The following AHRR variants were observed in gnomAD, a reference collection of about 807,000 sequenced individuals.
AHRR encodes the protein aryl hydrocarbon receptor repressor.
A neutral mutation model predicts 44.0 loss-of-function variants in AHRR; 28 were observed. The ratio of observed to expected loss-of-function variants is 0.64; its 90% confidence interval spans 0.47 to 0.87. The LOEUF is 0.87. Among genes scored for constraint, AHRR ranks in the 40% least tolerant of loss-of-function variants. The pLI is 0.00. For missense variants in AHRR, 990 were observed against 953.9 expected (o/e 1.04, Z -0.50); for synonymous variants, 434 against 407.0 (o/e 1.07, Z -0.80).
intron 8 of AHRR, chr5:432,238 T>C: frequency 1.9e-6 from 1 of 518,794 alleles, no homozygotes; most frequent in South Asian, 2.4e-5. Context: ...AGCCCTTCAT[T>C]GGCCTGAAAA....
chr5:421,244 T>G, intron 5 of AHRR: 1 of 694,848 alleles, frequency 1.4e-6, no homozygotes, highest in Admixed American at 2.0e-5. Flanking sequence ...ACCCCGCGGT[T>G]CAGCCACGGA....
intron 1 of AHRR, among the ~76,000 whole-genome samples, chr5:327,384 C>G (rs1741749233): frequency 6.6e-6 from 1 of 152,182 alleles, no homozygotes; most frequent in Non-Finnish European, 1.5e-5. Context: ...CTTGTCACCC[C>G]CTCACCCTTC....
chr5:329,765 C>T (rs1405421956), intron 1 of AHRR, among the ~76,000 whole-genome samples: 1 of 152,144 alleles, frequency 6.6e-6, no homozygotes, highest in Non-Finnish European at 1.5e-5. Context: ...TCTTTCTCAG[C>T]TAGATCATTA....
chr5:325,516 C>A (rs1025641547), intron 1 of AHRR, among the ~76,000 whole-genome samples: 2 of 152,106 alleles, frequency 1.3e-5, no homozygotes, highest in Non-Finnish European at 2.9e-5. Context: ...AAGTGCCCAA[C>A]CTGGTTTCTG....
At chr5:414,200 T>C (rs1403898505) in intron 5 of AHRR, among the ~76,000 whole-genome samples, 1 of 151,866 alleles carries the variant, frequency 6.6e-6, no homozygotes, top group Non-Finnish European at 1.5e-5. Context: ...GAGGTGTAGG[T>C]TGCAGTGAGG....
At chr5:343,157 G>A (rs907349317) in intron 1 of AHRR, among the ~76,000 whole-genome samples, 2 of 152,146 alleles carry the variant, frequency 1.3e-5, no homozygotes, top group African/African-American at 2.4e-5. Flanking sequence ...ATGGGATCAT[G>A]TGGCCCCGTG....
intron 1 of AHRR, among the ~76,000 whole-genome samples, chr5:340,688 ATTTTTTTTTTTT>A (rs539789608): frequency 0.017 from 226 of 12,940 alleles, 23 homozygotes; most frequent in Non-Finnish European, 0.023. Context: ...ATATATATAT[ATTTTTTTTTTTT>A]TTTTTTTTTT....
At chr5:427,648 A>C (rs772079143) in intron 7 of AHRR, 159 bp from the exon 8 acceptor site, 1 of 1,613,142 alleles carries the variant, frequency 6.2e-7, no homozygotes, top group South Asian at 1.1e-5. Context: ...CCCGGGGGTC[A>C]CAGGCTTGGC....
In AHRR at chr5:404,128, T is replaced by C. The variant is rs986963138; in HGVS notation, c.352-9216T>C. 3 of 547,522 alleles carry C rather than the reference T, an allele frequency of 5.5e-6. No homozygotes were observed. The highest frequency in any genetic ancestry group is 1.0e-5 in the Non-Finnish European group (3 of 286,930). 33.9% of individuals were successfully genotyped at this position (547,522 alleles called of 1,614,324 possible). On this transcript the variant is annotated intron_variant, in intron 4 of 10. Transcript: ENST00000684583. The surrounding 1 kb of genome is among the most constrained non-coding windows in gnomAD (Gnocchi z 4.1). ...TGGTCCAGGTTTGGGGTTACCCTTC[T>C]CCGTCTCTCTCAGCCTCAGCCGTTC...
chr5:404,052 C>A lies in AHRR; in HGVS notation c.352-9292C>A. ...GCTGAATCTGTTTAGTCTTTGCATCCAAATCATGTTGTCCAGCGTTTGAAG... is the reference window on the plus strand; with the variant it reads ...GCTGAATCTGTTTAGTCTTTGCATCAAAATCATGTTGTCCAGCGTTTGAAG... On this transcript the variant is annotated intron_variant, in intron 4 of 10. Transcript: ENST00000684583. This position sits in a 1 kb window ranked among gnomAD's most constrained non-coding sequence, Gnocchi z 4.1. The A allele has an allele frequency of 2.8e-6, 2 of 713,920 alleles. No homozygotes were observed. Among genetic ancestry groups the A allele is most frequent in the South Asian group, 2.9e-5 (2 of 69,270 alleles). 44.2% of individuals were successfully genotyped at this position (713,920 alleles called of 1,614,324 possible). A position where few individuals can be genotyped will look rare whatever the true frequency, so the allele number is the denominator to read the frequency against.
chr5:329,645 G>T (rs938493016), intron 1 of AHRR, among the ~76,000 whole-genome samples: 1 of 152,148 alleles, frequency 6.6e-6, no homozygotes, highest in South Asian at 2.1e-4. Flanking sequence ...ATGTTTTCGT[G>T]TTTGTGTCAT....
At chr5:400,796 A>G (rs545765430) in intron 4 of AHRR, among the ~76,000 whole-genome samples, 10 of 152,348 alleles carry the variant, frequency 6.6e-5, no homozygotes, top group Middle Eastern at 3.4e-3. Context: ...GTTGTGACTA[A>G]TCTCATAAAA....
chr5:403,838 T>C, intron 4 of AHRR: 1 of 1,553,894 alleles, frequency 6.4e-7, no homozygotes, highest in Non-Finnish European at 8.9e-7. Flanking sequence ...TCCTTTTTGC[T>C]CAAAGGACAA....
chr5:355,140 G>A (rs973575883), intron 3 of AHRR, among the ~76,000 whole-genome samples: 1 of 152,216 alleles, frequency 6.6e-6, no homozygotes, highest in Non-Finnish European at 1.5e-5. Context: ...CCCAGCCTGG[G>A]CCTCCTGGTG....
chr5:423,455 A>AG (rs1302611891), intron 6 of AHRR, among the ~76,000 whole-genome samples: 1 of 152,188 alleles, frequency 6.6e-6, no homozygotes, highest in Non-Finnish European at 1.5e-5. Context: ...TCCTGTGCAG[A>AG]GGGTGGCTCC....
chr5:437,119 TAGG>T lies in AHRR; in HGVS notation c.*2290_*2292del, dbSNP rs1167803296. On this transcript the variant is annotated 3_prime_UTR_variant, in exon 11 of 11. Transcript: ENST00000684583. Reference sequence around the variant, plus strand: ...ATCCCAGCACTTTAGGAGGTCAAGGTAGGAGGATCGCTTAAGCCCAGGAGTTCA... The same window carrying T: ...ATCCCAGCACTTTAGGAGGTCAAGGTAGGATCGCTTAAGCCCAGGAGTTCA... 1 of 152,284 alleles carries T rather than the reference TAGG, an allele frequency of 6.6e-6. No individual in the cohort carries two copies. Among genetic ancestry groups the T allele is most frequent in the East Asian group, 1.9e-4 (1 of 5,328 alleles). The allele number at this position is 152,284 out of a possible 1,614,324, so 9.4% of individuals were successfully genotyped here.
chr5:424,784 T>C lies in AHRR; in HGVS notation c.708+807T>C, dbSNP rs1036520612. Among the ~76,000 whole-genome samples the C allele has an allele frequency of 2.6e-5, 4 of 152,300 alleles. No homozygotes were observed. The South Asian group carries it at 8.3e-4, about 32-fold the overall frequency. On this transcript the variant is annotated intron_variant, in intron 7 of 10. Transcript: ENST00000684583. Reference sequence around the variant, plus strand: ...TTCACCCTCTTCTCTTGCAAACAGATACTTGGGGTTTTCACTTCTGCTATT... The same window carrying C: ...TTCACCCTCTTCTCTTGCAAACAGACACTTGGGGTTTTCACTTCTGCTATT...
chr5:432,386 A>G, intron 8 of AHRR, 77 bp from the exon 9 acceptor site: 1 of 1,410,582 alleles, frequency 7.1e-7, no homozygotes, highest in South Asian at 1.2e-5. Context: ...ATTAATTTCT[A>G]CCATCAAAAC....
chr5:390,922 T>C (rs1209172864), intron 4 of AHRR, among the ~76,000 whole-genome samples: 6 of 152,094 alleles, frequency 3.9e-5, no homozygotes, highest in African/African-American at 7.2e-5. Flanking sequence ...TTTCAAGTTG[T>C]TTCTCGGAAA....
Sources: gnomAD v4.1 joint callset for allele counts (sites outside exome capture counted in the v4.1 genomes callset) on GRCh38, gnomAD v4.1.1 for gene constraint, Gnocchi (gnomAD v3.1) non-coding constraint, MANE v1.5 for transcripts, NCBI Gene and HGNC (gene_info 2026-07-23, HGNC 2026-07-21) for gene names.